The following PLCZ1 variants were observed in gnomAD, a reference collection of about 807,000 sequenced individuals.
The protein encoded by PLCZ1 is 1-phosphatidylinositol 4,5-bisphosphate phosphodiesterase zeta-1.
PLCZ1 carries 64 observed loss-of-function variants against 76.8 expected under a neutral mutation model. That is an observed-to-expected ratio of 0.83 (90% CI 0.68 to 1.03). The LOEUF is 1.03. PLCZ1 is among the 50% of genes least tolerant of loss of function. The pLI, the probability that PLCZ1 is intolerant of heterozygous loss-of-function variation, is 0.00. For synonymous variants in PLCZ1, 248 were observed against 230.8 expected, an observed-to-expected ratio of 1.07 and a Z score of -0.68; for missense variants, 751 against 713.7, an observed-to-expected ratio of 1.05 and a Z score of -0.60.
At chr12:18,716,193 G>A (rs1957965217) in intron 5 of PLCZ1, among the ~76,000 whole-genome samples, 1 of 152,006 alleles carries the variant, frequency 6.6e-6, no homozygotes, top group Non-Finnish European at 1.5e-5. Flanking sequence ...TATCAACAGA[G>A]TATGAGTTCT....
At chr12:18,715,450 G>C (rs1356840244) in intron 5 of PLCZ1, among the ~76,000 whole-genome samples, 15 of 151,032 alleles carry the variant, frequency 9.9e-5, no homozygotes, top group African/African-American at 3.7e-4. Context: ...CGCCCAGACT[G>C]GGGTGCAGTG....
intron 12 of PLCZ1, 132 bp downstream of exon 12, chr12:18,694,778 C>T (rs111737828): frequency 0.023 from 15,916 of 706,764 alleles, 269 homozygotes; most frequent in Middle Eastern, 0.038. Flanking sequence ...ATACTACCCA[C>T]ATATAGTACC....
intron 3 of PLCZ1, among the ~76,000 whole-genome samples, chr12:18,735,089 G>T (rs924324993): frequency 1.3e-5 from 2 of 152,118 alleles, no homozygotes; most frequent in Non-Finnish European, 2.9e-5. Context: ...ATCCTTGCAT[G>T]CCAGGGACAC....
the PLCZ1 span, among the ~76,000 whole-genome samples, chr12:18,664,841 G>C: frequency 6.6e-6 from 1 of 151,498 alleles, no homozygotes; most frequent in Non-Finnish European, 1.5e-5. Context: ...AAAATGATGA[G>C]TTCATGTCCT....
chr12:18,706,032 G>A lies in PLCZ1; in HGVS notation c.715-717C>T, dbSNP rs1956566050. On this transcript the variant is annotated intron_variant, in intron 6 of 14. Transcript: ENST00000266505. ...ACCTGGGGTCAGGAGTTCGAGACCA[G>A]GCTGGCCAACATGGCGAAACCCCAT... is the stretch of plus-strand genomic sequence containing the variant. Among the ~76,000 whole-genome samples the A allele has an allele frequency of 3.3e-5, 5 of 151,932 alleles. No individual in the cohort carries two copies. The South Asian group carries it at 1.0e-3, about 32-fold the overall frequency.
intron 3 of PLCZ1, among the ~76,000 whole-genome samples, chr12:18,729,675 A>G (rs146012374): frequency 2.6e-5 from 4 of 152,104 alleles, no homozygotes; most frequent in African/African-American, 9.6e-5. Context: ...TATATTTCCT[A>G]TAAAATATTT....
At position 18,697,588 on chromosome 12, in the gene PLCZ1, G is replaced by A. The variant is rs578076661; in HGVS notation, c.1175-1322C>T. Reference sequence around the variant, plus strand: ...ATTACAAATACAGTTCATGTTTACTGTAAAATAGGAGGACATCAAAGAACA... The same window carrying A: ...ATTACAAATACAGTTCATGTTTACTATAAAATAGGAGGACATCAAAGAACA... On this transcript the variant is annotated intron_variant, in intron 10 of 14. Transcript: ENST00000266505. Among the ~76,000 whole-genome samples, 16 of 152,204 alleles carry A rather than the reference G, an allele frequency of 1.1e-4. No homozygotes were observed. In the South Asian group the frequency reaches 3.3e-3, roughly 31 times the overall value.
In PLCZ1 at chr12:18,704,570, G is replaced by A. The variant is rs566367113; in HGVS notation, c.864+596C>T. On this transcript the variant is annotated intron_variant, in intron 7 of 14. Coordinates refer to ENST00000266505, the MANE Select transcript of PLCZ1 (RefSeq NM_033123.4). The stretch of plus-strand genomic sequence containing the variant: ...GTGAACTCCTAACCTCAGGGGATCC[G>A]CCCTCCTCAGCCTCCCAAGGTGCTG... 2.8e-3 allele frequency among the ~76,000 whole-genome samples: 419 copies of A among 152,038 alleles called. 4 individuals carry two copies. Among genetic ancestry groups the A allele is most frequent in the Non-Finnish European group, 3.5e-3 (235 of 67,964 alleles).
intron 12 of PLCZ1, chr12:18,693,298 T>G (rs1954419346): frequency 1.3e-6 from 2 of 1,529,818 alleles, no homozygotes; most frequent in Non-Finnish European, 9.0e-7. Flanking sequence ...GTCACAGTGA[T>G]GAAGGTGGAA....
chr12:18,661,268 T>A, the PLCZ1 span, among the ~76,000 whole-genome samples: 1 of 152,130 alleles, frequency 6.6e-6, no homozygotes, highest in African/African-American at 2.4e-5. Context: ...CCAAGTGTGA[T>A]GAGATACAAG....
chr12:18,699,471 A>T (rs1409880351), intron 10 of PLCZ1, among the ~76,000 whole-genome samples: 1 of 152,050 alleles, frequency 6.6e-6, no homozygotes, highest in Non-Finnish European at 1.5e-5. Context: ...CAAGCCTTCT[A>T]ATTCGGCTCT....
At chr12:18,656,302 G>A in the PLCZ1 span, among the ~76,000 whole-genome samples, 12 of 152,106 alleles carry the variant, frequency 7.9e-5, no homozygotes, top group African/African-American at 2.9e-4. Context: ...AGGTGGCTGG[G>A]CGCAGTGGGT....
At chr12:18,650,321 C>CTA in the PLCZ1 span, among the ~76,000 whole-genome samples, 579 of 87,474 alleles carry the variant, frequency 6.6e-3, 1 homozygote, top group Middle Eastern at 0.012. Context: ...CTCTCTCTCT[C>CTA]TCTCTCTCTC....
At chr12:18,699,992 A>T (rs755586955) in intron 9 of PLCZ1, 42 bp from the exon 10 acceptor site, 19 of 1,559,740 alleles carry the variant, frequency 1.2e-5, no homozygotes, top group Non-Finnish European at 8.7e-7. Context: ...TATGCTAATC[A>T]TTGGGAAAAA....
intron 7 of PLCZ1, among the ~76,000 whole-genome samples, chr12:18,703,859 T>C (rs1226905363): frequency 6.6e-6 from 1 of 152,130 alleles, no homozygotes; most frequent in East Asian, 1.9e-4. Flanking sequence ...TTATTTTAAG[T>C]TGGCAAAAAA....
chr12:18,648,841 T>G, the PLCZ1 span, among the ~76,000 whole-genome samples: 26 of 152,276 alleles, frequency 1.7e-4, no homozygotes, highest in Middle Eastern at 6.8e-3. Flanking sequence ...TTTAATGCAC[T>G]ATGCCACATT....
the PLCZ1 span, among the ~76,000 whole-genome samples, chr12:18,673,682 T>C: frequency 1.3e-5 from 2 of 152,210 alleles, no homozygotes; most frequent in African/African-American, 4.8e-5. Flanking sequence ...TACTGGGCCC[T>C]CTGATTCACT....
the PLCZ1 span, among the ~76,000 whole-genome samples, chr12:18,668,051 A>G: frequency 6.6e-6 from 1 of 152,202 alleles, no homozygotes; most frequent in African/African-American, 2.4e-5. Context: ...TTTCTGATAC[A>G]GTCAAAGTTC....
chr12:18,658,506 T>C, the PLCZ1 span, among the ~76,000 whole-genome samples: 3 of 152,104 alleles, frequency 2.0e-5, no homozygotes, highest in African/African-American at 4.8e-5. Flanking sequence ...CCACAGACCA[T>C]GGAGGCCAGA....
Sources: gnomAD v4.1 joint callset for allele counts (sites outside exome capture counted in the v4.1 genomes callset) on GRCh38, gnomAD v4.1.1 for gene constraint, MANE v1.5 for transcripts, NCBI Gene and HGNC (gene_info 2026-07-23, HGNC 2026-07-21) for gene names.